Variants in PDE4B observed in about 807,000 individuals in gnomAD.
PDE4B encodes the protein phosphodiesterase 4B.
A neutral mutation model predicts 82.2 loss-of-function variants in PDE4B; 20 were observed. The observed-to-expected ratio is 0.24, with a 90% CI of 0.17 to 0.35. The LOEUF is 0.35. Ranked by LOEUF, PDE4B falls within the 10% of genes least tolerant of loss-of-function variation. PDE4B has a pLI of 1.00. For missense variants in PDE4B, 655 were observed against 907.2 expected, an observed-to-expected ratio of 0.72 and a Z score of 3.57; for synonymous variants, 320 against 318.9, an observed-to-expected ratio of 1.00 and a Z score of -0.04.
intron 3 of PDE4B, among the ~76,000 whole-genome samples, chr1:66,213,098 T>G (rs774011797): frequency 6.6e-6 from 1 of 152,234 alleles, no homozygotes. Flanking sequence ...CTCCAGAGAC[T>G]CTATGATTAA....
At chr1:66,253,004 A>C (rs956501353) in intron 4 of PDE4B, among the ~76,000 whole-genome samples, 1 of 152,226 alleles carries the variant, frequency 6.6e-6, no homozygotes, top group Admixed American at 6.5e-5. Context: ...CCATATAAAA[A>C]TAAAGATACC....
At chr1:66,106,298 A>G (rs780978456) in intron 3 of PDE4B, among the ~76,000 whole-genome samples, 1,879 of 151,074 alleles carry the variant, frequency 0.012, 24 homozygotes, top group Non-Finnish European at 0.02. Context: ...CCACTTGATC[A>G]TGGTGGATAA....
intron 3 of PDE4B, among the ~76,000 whole-genome samples, chr1:66,173,116 GA>G (rs918058416): frequency 1.3e-5 from 2 of 152,152 alleles, no homozygotes; most frequent in African/African-American, 4.8e-5. Flanking sequence ...CCCATAATCA[GA>G]ATTTTGATGG....
chr1:65,948,161 A>G (rs1211101513), intron 3 of PDE4B, among the ~76,000 whole-genome samples: 1 of 151,748 alleles, frequency 6.6e-6, no homozygotes, highest in East Asian at 1.9e-4. Context: ...AAGTATGCCC[A>G]TCCCAATTGT....
intron 3 of PDE4B, among the ~76,000 whole-genome samples, chr1:66,081,398 G>A (rs1656714977): frequency 6.6e-6 from 1 of 151,956 alleles, no homozygotes; most frequent in South Asian, 2.1e-4. Context: ...AACATTCTGA[G>A]GTCTACACTT....
chr1:66,130,539 C>T (rs1280156147), intron 3 of PDE4B, among the ~76,000 whole-genome samples: 1 of 152,186 alleles, frequency 6.6e-6, no homozygotes, highest in East Asian at 1.9e-4. Context: ...ACTCTCCCAG[C>T]TGTCCCCAAA....
Position 65,812,646 on chromosome 1 carries a change from T to C in PDE4B, c.-71+19398T>C, listed in dbSNP as rs1416281400. Among the ~76,000 whole-genome samples, 4 of 152,322 alleles carry C rather than the reference T, an allele frequency of 2.6e-5. No homozygotes were observed. In the Middle Eastern group the frequency reaches 0.01, roughly 389 times the overall value. ...GCACACTTTGGAATGTTAATATTTG[T>C]AGTAAATACTGAACTACATAGATAA... On this transcript the variant is annotated intron_variant, in intron 1 of 16. Transcript: ENST00000341517.
chr1:66,135,672 G>T (rs1646042314), intron 3 of PDE4B, among the ~76,000 whole-genome samples: 1 of 152,096 alleles, frequency 6.6e-6, no homozygotes, highest in Non-Finnish European at 1.5e-5. Flanking sequence ...TCAGATGCTG[G>T]AATTATGAAC....
chr1:66,207,988 TTTG>T (rs1649697557), intron 3 of PDE4B, among the ~76,000 whole-genome samples: 1 of 152,208 alleles, frequency 6.6e-6, no homozygotes, highest in Non-Finnish European at 1.5e-5. Flanking sequence ...TTCTTTATCT[TTTG>T]TGTGGCTCAA....
intron 3 of PDE4B, among the ~76,000 whole-genome samples, chr1:65,974,997 T>G (rs932812334): frequency 6.6e-6 from 1 of 152,124 alleles, no homozygotes; most frequent in African/African-American, 2.4e-5. Flanking sequence ...GGAAGCAACT[T>G]TTGTAACTGG....
At chr1:66,080,080 A>T (rs1044954606) in intron 3 of PDE4B, among the ~76,000 whole-genome samples, 1 of 152,148 alleles carries the variant, frequency 6.6e-6, no homozygotes, top group African/African-American at 2.4e-5. Context: ...TCTGTAAGAG[A>T]GGCTGAGAAT....
chr1:66,049,385 G>T (rs961462098), intron 3 of PDE4B, among the ~76,000 whole-genome samples: 2 of 152,018 alleles, frequency 1.3e-5, no homozygotes, highest in Admixed American at 6.6e-5. Flanking sequence ...GGAGTGTGGT[G>T]TCTGTGTTAG....
intron 1 of PDE4B, among the ~76,000 whole-genome samples, chr1:65,863,831 C>T (rs1646480887): frequency 6.6e-6 from 1 of 152,056 alleles, no homozygotes; most frequent in Non-Finnish European, 1.5e-5. Flanking sequence ...GCAACCCCTG[C>T]TTTTTTGGCT....
chr1:66,065,185 G>T (rs189386044), intron 3 of PDE4B, among the ~76,000 whole-genome samples: 81 of 151,850 alleles, frequency 5.3e-4, no homozygotes, highest in Middle Eastern at 6.9e-3. Context: ...AATGAAATTG[G>T]AATTAAAGAT....
chr1:66,253,954 T>C (rs574957472), intron 4 of PDE4B, among the ~76,000 whole-genome samples: 1 of 152,382 alleles, frequency 6.6e-6, no homozygotes, highest in Non-Finnish European at 1.5e-5. Flanking sequence ...GCCCTATTAA[T>C]GTTTCTTTAT....
At chr1:65,847,310 C>T (rs72933433) in intron 1 of PDE4B, among the ~76,000 whole-genome samples, 2,127 of 152,308 alleles carry the variant, frequency 0.014, 52 homozygotes, top group African/African-American at 0.049. Flanking sequence ...AGCTTTTTGA[C>T]TATGATCACA....
intron 3 of PDE4B, among the ~76,000 whole-genome samples, chr1:66,146,977 A>G (rs1186106739): frequency 6.6e-6 from 1 of 152,158 alleles, no homozygotes; most frequent in Non-Finnish European, 1.5e-5. Flanking sequence ...AATTCAACCC[A>G]TTTTGAATTT....
At chr1:66,351,219 T>A (rs543461211) in intron 8 of PDE4B, among the ~76,000 whole-genome samples, 101 of 152,326 alleles carry the variant, frequency 6.6e-4, no homozygotes, top group African/African-American at 2.4e-3. Context: ...GGACATTATT[T>A]CTAGGTAGGC....
chr1:66,364,242 G>C (rs1291509877), intron 12 of PDE4B, among the ~76,000 whole-genome samples: 1 of 152,078 alleles, frequency 6.6e-6, no homozygotes, highest in African/African-American at 2.4e-5. Flanking sequence ...AGCATCCAGA[G>C]GCTTAGTCTC....
Sources: allele counts gnomAD v4.1 joint callset (sites outside exome capture counted in the v4.1 genomes callset), GRCh38; gene constraint gnomAD v4.1.1; transcripts MANE v1.5; gene names NCBI Gene and HGNC (gene_info 2026-07-23, HGNC 2026-07-21).